The following SCAPER variants were observed in gnomAD, a reference collection of about 807,000 sequenced individuals.
SCAPER encodes S-phase cyclin A associated protein in the ER, also known as S phase cyclin A-associated protein in the endoplasmic reticulum.
Under a neutral mutation model 182.2 loss-of-function variants are expected in SCAPER, and 98 were observed. The ratio of observed to expected loss-of-function variants is 0.54; its 90% CI spans 0.46 to 0.64. The LOEUF (loss-of-function observed/expected upper bound fraction) is 0.64, where lower values mean the gene tolerates loss of function less well. SCAPER is among the 30% of genes least tolerant of loss of function. SCAPER has a pLI of 0.00. For synonymous variants in SCAPER, 605 were observed against 564.6 expected (o/e 1.07, Z -1.01); for missense variants, 1,432 against 1,690.0 (o/e 0.85, Z 2.68).
chr15:76,795,740 GT>G (rs1200805031), intron 7 of SCAPER, among the ~76,000 whole-genome samples: 1 of 152,096 alleles, frequency 6.6e-6, no homozygotes, highest in Non-Finnish European at 1.5e-5. Context: ...GTACCTTAAA[GT>G]TTTCATTTTC....
At chr15:76,367,595 G>A (rs971350684) in intron 29 of SCAPER, among the ~76,000 whole-genome samples, 1 of 152,018 alleles carries the variant, frequency 6.6e-6, no homozygotes, top group East Asian at 1.9e-4. Flanking sequence ...CTCAGTTGAC[G>A]TCCTGGCAAC....
At chr15:76,854,267 CA>C (rs1395169714) in intron 4 of SCAPER, among the ~76,000 whole-genome samples, 3 of 150,756 alleles carry the variant, frequency 2.0e-5, no homozygotes, top group Non-Finnish European at 3.0e-5. Context: ...GACTCCATCT[CA>C]AAAAAAACAA....
intron 23 of SCAPER, among the ~76,000 whole-genome samples, chr15:76,541,963 T>C (rs1359499919): frequency 1.3e-5 from 2 of 152,210 alleles, no homozygotes; most frequent in African/African-American, 2.4e-5. Context: ...CAGATCAGAA[T>C]ATAATTTCTA....
intron 21 of SCAPER, among the ~76,000 whole-genome samples, chr15:76,651,142 T>TA (rs1469866319): frequency 6.6e-6 from 1 of 151,318 alleles, no homozygotes; most frequent in African/African-American, 2.4e-5. Context: ...TAAATACAAG[T>TA]AAAAAATAAT....
intron 1 of SCAPER, among the ~76,000 whole-genome samples, chr15:76,902,239 A>G (rs2074827821): frequency 6.6e-6 from 1 of 152,250 alleles, no homozygotes; most frequent in Non-Finnish European, 1.5e-5. Context: ...GTGACTTAAC[A>G]TGAGAAAAGA....
At chr15:76,479,613 A>G (rs1466795172) in intron 24 of SCAPER, among the ~76,000 whole-genome samples, 1 of 152,244 alleles carries the variant, frequency 6.6e-6, no homozygotes, top group African/African-American at 2.4e-5. Context: ...GGACATATAG[A>G]AAAAGGACAG....
At position 76,565,090 on chromosome 15, in the gene SCAPER, T is replaced by C. The variant is rs2046939661; in HGVS notation, c.2838+9068A>G. On this transcript the variant is annotated intron_variant, in intron 23 of 31. Transcript: ENST00000563290. ...CTGGAAGACAACCTAGGCAATACCA[T>C]TCAGGACACAGGCAAAGATCTTATG... 2.6e-5 allele frequency among the ~76,000 whole-genome samples: 4 copies of C among 152,028 alleles called. No homozygotes were observed. The South Asian group carries it at 8.3e-4, about 32-fold the overall frequency.
chr15:76,851,769 G>A lies in SCAPER; in HGVS notation c.195+6040C>T, dbSNP rs938719848. Among the ~76,000 whole-genome samples, 17 of 151,922 alleles carry A rather than the reference G, an allele frequency of 1.1e-4. No homozygotes were observed. In the East Asian group the frequency reaches 2.3e-3, roughly 21 times the overall value. On this transcript the variant is annotated intron_variant, in intron 4 of 31. Coordinates refer to ENST00000563290, the MANE Select transcript of SCAPER (RefSeq NM_020843.4). ...ACACAGATCAGGGACACTATAAAGC[G>A]GCCACACAAACAAGCCAGCATAATA... is the stretch of plus-strand genomic sequence containing the variant.
intron 5 of SCAPER, among the ~76,000 whole-genome samples, chr15:76,837,949 G>A (rs2069100561): frequency 6.6e-6 from 1 of 152,214 alleles, no homozygotes; most frequent in South Asian, 2.1e-4. Context: ...TACACTGCTG[G>A]TGGGAATGTA....
At chr15:76,709,619 T>A (rs1284692123) in intron 17 of SCAPER, among the ~76,000 whole-genome samples, 2 of 152,188 alleles carry the variant, frequency 1.3e-5, no homozygotes, top group African/African-American at 4.8e-5. Flanking sequence ...GCTTTACTGG[T>A]AAATTCCCCC....
intron 20 of SCAPER, among the ~76,000 whole-genome samples, chr15:76,686,632 C>G (rs1268121206): frequency 6.6e-6 from 1 of 152,042 alleles, no homozygotes; most frequent in Non-Finnish European, 1.5e-5. Flanking sequence ...ACTTACAAAT[C>G]AGAAACTTAA....
intron 17 of SCAPER, among the ~76,000 whole-genome samples, chr15:76,711,418 A>G (rs992184863): frequency 4.9e-4 from 75 of 152,334 alleles, no homozygotes; most frequent in African/African-American, 1.8e-3. Context: ...AAGCACACTG[A>G]CAACATGTTC....
At chr15:76,719,061 AGGAAAT>A (rs2060049483) in intron 17 of SCAPER, among the ~76,000 whole-genome samples, 1 of 152,206 alleles carries the variant, frequency 6.6e-6, no homozygotes, top group Non-Finnish European at 1.5e-5. Flanking sequence ...ATATACCCAA[AGGAAAT>A]GGAATCACCA....
intron 10 of SCAPER, among the ~76,000 whole-genome samples, chr15:76,768,069 A>C (rs2063215612): frequency 6.6e-6 from 1 of 152,120 alleles, no homozygotes; most frequent in African/African-American, 2.4e-5. Flanking sequence ...TAAGGCAAAA[A>C]CCTATAGAAA....
chr15:76,803,558 A>G (rs908667389), intron 6 of SCAPER, among the ~76,000 whole-genome samples: 2 of 152,206 alleles, frequency 1.3e-5, no homozygotes, highest in African/African-American at 2.4e-5. Flanking sequence ...ATAAACAACA[A>G]TAAGAAATTT....
chr15:76,529,021 C>A (rs1483972812), intron 23 of SCAPER, among the ~76,000 whole-genome samples: 1 of 152,210 alleles, frequency 6.6e-6, no homozygotes, highest in Non-Finnish European at 1.5e-5. Flanking sequence ...ATATTCGTTA[C>A]TGGATTTATG....
At chr15:76,587,803 A>G (rs531781969) in intron 22 of SCAPER, among the ~76,000 whole-genome samples, 31 of 152,158 alleles carry the variant, frequency 2.0e-4, no homozygotes, top group Non-Finnish European at 3.5e-4. Flanking sequence ...GTTCTAGGAT[A>G]TAGTTTAAAT....
chr15:76,829,904 C>T (rs1828882687), intron 5 of SCAPER, among the ~76,000 whole-genome samples: 1 of 152,054 alleles, frequency 6.6e-6, no homozygotes, highest in African/African-American at 2.4e-5. Flanking sequence ...GAAAGGGAGA[C>T]AGATATTAAA....
At chr15:76,636,883 C>T (rs2053647005) in intron 21 of SCAPER, among the ~76,000 whole-genome samples, 1 of 152,010 alleles carries the variant, frequency 6.6e-6, no homozygotes, top group East Asian at 1.9e-4. Flanking sequence ...CCCTACCATA[C>T]CATTTTAACT....
Sources: allele counts gnomAD v4.1 joint callset (sites outside exome capture counted in the v4.1 genomes callset), GRCh38; gene constraint gnomAD v4.1.1; transcripts MANE v1.5; gene names NCBI Gene and HGNC (gene_info 2026-07-23, HGNC 2026-07-21).